Variants in DNAJC10 observed in about 807,000 individuals in gnomAD.
DNAJC10 encodes DnaJ heat shock protein family (Hsp40) member C10, also known as endoplasmic reticulum disulfide reductase DNAJC10.
DNAJC10 carries 101 observed loss-of-function variants against 115.0 expected under a neutral mutation model. The observed-to-expected ratio is 0.88, with a 90% CI of 0.75 to 1.04. The LOEUF is 1.04. Ranked by LOEUF, DNAJC10 falls within the 50% of genes least tolerant of loss-of-function variation. The pLI, the probability that DNAJC10 is intolerant of heterozygous loss-of-function variation, is 0.00. For synonymous variants in DNAJC10, 307 were observed against 301.5 expected, an observed-to-expected ratio of 1.02 and a Z score of -0.19; for missense variants, 981 against 928.8, an observed-to-expected ratio of 1.06 and a Z score of -0.73.
rs145042100 is a variant in DNAJC10, at chr2:182,736,047, C to T, written c.850-202C>T. ...AAACCATTTCTCAAGTTACTAAGTA[C>T]AATTTTTTGCACTTAATATTTCTAA... On this transcript the variant is annotated intron_variant, in intron 10 of 23. Coordinates refer to ENST00000264065, the MANE Select transcript of DNAJC10 (RefSeq NM_018981.4). Among the ~76,000 whole-genome samples, 977 of 149,714 alleles carry T rather than the reference C, an allele frequency of 6.5e-3. 6 individuals are homozygous for T. Among genetic ancestry groups the T allele is most frequent in the Non-Finnish European group, 7.8e-3 (530 of 67,550 alleles).
Position 182,790,400 on chromosome 2 carries a change from C to T in DNAJC10, c.*13268C>T, listed in dbSNP as rs1246042943. On this transcript the variant is annotated 3_prime_UTR_variant, in exon 24 of 24. Transcript: ENST00000264065. ...AATCTAATACCTTGGTCTTACAGAA[C>T]TGAACAATACTTAAATGTGTTTAAA... 3 of 152,154 alleles carry T rather than the reference C, an allele frequency of 2.0e-5. No homozygotes were observed. Among genetic ancestry groups the T allele is most frequent in the African/African-American group, 7.2e-5 (3 of 41,448 alleles). The allele number at this position is 152,154 out of a possible 1,614,324, so 9.4% of individuals were successfully genotyped here. A position where few individuals can be genotyped will look rare whatever the true frequency, so the allele number is the denominator to read the frequency against.
At chr2:182,758,745 C>A in intron 19 of DNAJC10, 92 bp from the exon 20 acceptor site, 1 of 924,640 alleles carries the variant, frequency 1.1e-6, no homozygotes, top group South Asian at 1.4e-5. Flanking sequence ...ATCAATATAA[C>A]TTATTTTTTA....
At chr2:182,734,956 C>T (rs529583166) in intron 10 of DNAJC10, among the ~76,000 whole-genome samples, 2 of 151,244 alleles carry the variant, frequency 1.3e-5, no homozygotes, top group African/African-American at 4.8e-5. Flanking sequence ...TTATTGCCTG[C>T]AATCAGCATG....
At chr2:182,758,924 T>C in intron 20 of DNAJC10, 34 bp downstream of exon 20, 1 of 1,489,424 alleles carries the variant, frequency 6.7e-7, no homozygotes, top group Non-Finnish European at 9.3e-7. Context: ...TTGTATAAAA[T>C]AGATTCAAAG....
chr2:182,756,180 T>C lies in DNAJC10; in HGVS notation c.1654-134T>C, dbSNP rs1694150643. The C allele has an allele frequency of 9.9e-6, 7 of 705,806 alleles. No homozygotes were observed. The South Asian group carries it at 2.3e-4, about 23-fold the overall frequency. The allele number at this position is 705,806 out of a possible 1,614,324, so 43.7% of individuals were successfully genotyped here. A position where few individuals can be genotyped will look rare whatever the true frequency, so the allele number is the denominator to read the frequency against. On this transcript the variant is annotated intron_variant, in intron 17 of 23. Transcript: ENST00000264065. The stretch of plus-strand genomic sequence containing the variant: ...TCATTCCCAAGATATATGCAAATAT[T>C]CCAAAATTCAAAATTCTCAATACTT...
At chr2:182,766,065 C>G (rs186682680) in intron 22 of DNAJC10, among the ~76,000 whole-genome samples, 112 of 152,250 alleles carry the variant, frequency 7.4e-4, no homozygotes, top group African/African-American at 2.6e-3. Context: ...CATTAGGCAC[C>G]AGACCTTGTA....
At chr2:182,730,547 A>G (rs1693417380) in intron 8 of DNAJC10, 1 of 453,860 alleles carries the variant, frequency 2.2e-6, no homozygotes, top group Non-Finnish European at 4.4e-6. Flanking sequence ...TTAAGGGAGC[A>G]TAAGATGTGT....
intron 14 of DNAJC10, among the ~76,000 whole-genome samples, chr2:182,748,748 A>C (rs1331038602): frequency 1.3e-5 from 2 of 152,016 alleles, no homozygotes; most frequent in Non-Finnish European, 2.9e-5. Flanking sequence ...TTGTGATGTT[A>C]GGGTGTCAAT....
chr2:182,721,164 G>C (rs1409531957), intron 4 of DNAJC10, among the ~76,000 whole-genome samples: 1 of 152,072 alleles, frequency 6.6e-6, no homozygotes, highest in Non-Finnish European at 1.5e-5. Flanking sequence ...AACTGAATAT[G>C]CTTCTGTATT....
chr2:182,745,861 T>A (rs1693850070), intron 14 of DNAJC10, among the ~76,000 whole-genome samples: 1 of 152,110 alleles, frequency 6.6e-6, no homozygotes, highest in African/African-American at 2.4e-5. Flanking sequence ...GAGCATTAGG[T>A]ATATCTCCCC....
chr2:182,741,487 T>C (rs966932719), intron 13 of DNAJC10, 131 bp downstream of exon 13: 9 of 474,296 alleles, frequency 1.9e-5, no homozygotes, highest in Non-Finnish European at 3.2e-5. Flanking sequence ...GCTTTTAGTC[T>C]TGGTTTGTGC....
chr2:182,720,223 G>A, intron 4 of DNAJC10, 54 bp downstream of exon 4: 2 of 1,434,056 alleles, frequency 1.4e-6, no homozygotes, highest in East Asian at 4.6e-5. Flanking sequence ...TAAAAGAAAA[G>A]TGAATTCTGT....
chr2:182,777,080 T>C (rs765555790), intron 23 of DNAJC10, 41 bp from the exon 24 acceptor site: 18 of 1,306,436 alleles, frequency 1.4e-5, no homozygotes, highest in Middle Eastern at 4.5e-4. Context: ...TACCAACTCA[T>C]ACTTTCTCCT....
Position 182,792,947 on chromosome 2 carries a change from A to G in DNAJC10, c.*15815A>G, listed in dbSNP as rs145421694. On this transcript the variant is annotated 3_prime_UTR_variant, in exon 24 of 24. Coordinates refer to ENST00000264065, the MANE Select transcript of DNAJC10 (RefSeq NM_018981.4). ...ATAAGCAAATGTTAAGTATGTTAGA[A>G]GTATGTTAGAAGATGTGCTGTGAAA... 1 of 152,354 alleles carries G rather than the reference A, an allele frequency of 6.6e-6. No homozygotes were observed. The highest frequency in any genetic ancestry group is 1.9e-4 in the East Asian group (1 of 5,190). 9.4% of individuals were successfully genotyped at this position (152,354 alleles called of 1,614,324 possible). A position where few individuals can be genotyped will look rare whatever the true frequency, so the allele number is the denominator to read the frequency against.
chr2:182,747,084 A>G (rs535069661), intron 14 of DNAJC10, among the ~76,000 whole-genome samples: 3 of 151,962 alleles, frequency 2.0e-5, no homozygotes, highest in South Asian at 2.1e-4. Flanking sequence ...TGTTCCATTG[A>G]TCTATATCTC....
chr2:182,754,826 G>A, intron 16 of DNAJC10, 177 bp from the exon 17 acceptor site: 1 of 1,363,912 alleles, frequency 7.3e-7, no homozygotes, highest in Non-Finnish European at 9.6e-7. Context: ...GTATTTAGCA[G>A]TATTCATCAC....
chr2:182,737,118 C>T (rs573023278), intron 11 of DNAJC10, among the ~76,000 whole-genome samples: 3 of 152,276 alleles, frequency 2.0e-5, no homozygotes, highest in African/African-American at 7.2e-5. Flanking sequence ...AAGTATTTTT[C>T]TAAAGCACCC....
At chr2:182,775,848 A>G (rs1373704674) in intron 23 of DNAJC10, among the ~76,000 whole-genome samples, 1 of 152,236 alleles carries the variant, frequency 6.6e-6, no homozygotes, top group African/African-American at 2.4e-5. Context: ...GAATGAAGCC[A>G]GTCACAAAGG....
Position 182,743,582 on chromosome 2 carries a change from C to T in DNAJC10, c.1192-16C>T, listed in dbSNP as rs757740760. On this transcript the variant is annotated splice_polypyrimidine_tract_variant and intron_variant, in intron 13 of 23. Transcript: ENST00000264065. ...AAGACAGTGTTTTTATCAAATTTGA[C>T]CTTTTTCTCCTTTAGGTTGGCAGGT... 3.8e-6 allele frequency: 6 copies of T among 1,562,642 alleles called. No homozygotes were observed. In the African/African-American group the frequency reaches 8.1e-5, roughly 21 times the overall value.
Sources: gnomAD v4.1 joint callset for allele counts (sites outside exome capture counted in the v4.1 genomes callset) on GRCh38, gnomAD v4.1.1 for gene constraint, MANE v1.5 for transcripts, NCBI Gene and HGNC (gene_info 2026-07-23, HGNC 2026-07-21) for gene names.